CYP39A1: variants seen among roughly 807,000 people sequenced by gnomAD.
The protein encoded by CYP39A1 is 24-hydroxycholesterol 7-alpha-hydroxylase.
In CYP39A1, 49 loss-of-function variants were observed where a neutral mutation model predicts 58.1. That is an observed-to-expected ratio of 0.84 (90% confidence interval 0.67 to 1.07). CYP39A1 has a LOEUF of 1.07. Ranked by LOEUF, CYP39A1 falls within the 50% of genes least tolerant of loss-of-function variation. The pLI is 0.00. For missense variants in CYP39A1, 531 were observed against 539.4 expected (o/e 0.98, Z 0.16); for synonymous variants, 209 against 187.6 (o/e 1.11, Z -0.93).
At chr6:46,556,899 A>G (rs919043986) in intron 10 of CYP39A1, among the ~76,000 whole-genome samples, 2 of 152,182 alleles carry the variant, frequency 1.3e-5, no homozygotes, top group Admixed American at 6.5e-5. Flanking sequence ...GAGAAAGCCC[A>G]TTGAAAAAAT....
chr6:46,600,737 G>T (rs1400507778), intron 7 of CYP39A1, among the ~76,000 whole-genome samples: 1 of 152,162 alleles, frequency 6.6e-6, no homozygotes, highest in African/African-American at 2.4e-5. Context: ...CTATGCTTGG[G>T]ACTCTTCCAA....
intron 10 of CYP39A1, among the ~76,000 whole-genome samples, chr6:46,576,323 A>C (rs1188021072): frequency 6.6e-6 from 1 of 152,174 alleles, no homozygotes; most frequent in East Asian, 1.9e-4. Flanking sequence ...GATCCAAACC[A>C]TATCAGGTAT....
chr6:46,577,690 T>C (rs1771910500), intron 10 of CYP39A1, among the ~76,000 whole-genome samples: 1 of 152,122 alleles, frequency 6.6e-6, no homozygotes, highest in African/African-American at 2.4e-5. Flanking sequence ...AGAAGGGTGT[T>C]ACCTAATGAT....
intron 7 of CYP39A1, among the ~76,000 whole-genome samples, chr6:46,599,942 C>G (rs927076997): frequency 6.6e-6 from 1 of 152,056 alleles, no homozygotes; most frequent in Admixed American, 6.6e-5. Flanking sequence ...CCCAGCTGCT[C>G]AAGTTCAAAC....
In CYP39A1 at chr6:46,639,654, T is replaced by C. The variant is rs140854197; in HGVS notation, c.328A>G (p.Asn110Asp). 1.7e-5 allele frequency: 27 copies of C among 1,611,308 alleles called. No homozygotes were observed. In the African/African-American group the frequency reaches 3.2e-4, roughly 19 times the overall value. The part of the protein sequence containing the change: ...IVYRTASIPK[N>D]VFLALHEKLY... ...TTTTCATGCAGTGCTAAAAAGACAT[T>C]CTTTGGAATTGATGCTATGAACAAA... The change falls in exon 3 of 12, where the codon AAT (asparagine) becomes GAT (aspartate). Residue 110 changes from asparagine (N) to aspartate (D), a missense_variant. By Grantham distance (23) the Asn-to-Asp change is conservative. Transcript: ENST00000275016.
chr6:46,600,909 G>A (rs1262979495), intron 7 of CYP39A1, among the ~76,000 whole-genome samples: 1 of 152,148 alleles, frequency 6.6e-6, no homozygotes, highest in African/African-American at 2.4e-5. Context: ...CTCCCGATTT[G>A]TAGACAAGTT....
intron 4 of CYP39A1, 75 bp downstream of exon 4, chr6:46,637,754 G>A: frequency 6.7e-7 from 1 of 1,502,224 alleles, no homozygotes; most frequent in Non-Finnish European, 9.1e-7. Flanking sequence ...CATCTACTTA[G>A]AACAGAAAAA....
At chr6:46,598,042 T>C (rs141970948) in intron 7 of CYP39A1, among the ~76,000 whole-genome samples, 198 of 152,256 alleles carry the variant, frequency 1.3e-3, no homozygotes, top group African/African-American at 4.5e-3. Flanking sequence ...CTTCACAACC[T>C]AAATGCCACA....
At chr6:46,596,907 T>G (rs1004321899) in intron 7 of CYP39A1, among the ~76,000 whole-genome samples, 2 of 152,172 alleles carry the variant, frequency 1.3e-5, no homozygotes, top group Admixed American at 6.6e-5. Context: ...TTTTTGACAG[T>G]ATTTGCTTAA....
intron 7 of CYP39A1, among the ~76,000 whole-genome samples, chr6:46,600,629 C>A (rs1191480523): frequency 6.6e-6 from 1 of 152,070 alleles, no homozygotes; most frequent in Non-Finnish European, 1.5e-5. Flanking sequence ...CTGTAACTTC[C>A]ATAAAATCCC....
intron 7 of CYP39A1, among the ~76,000 whole-genome samples, chr6:46,616,775 G>A (rs11751380): frequency 6.6e-6 from 1 of 152,128 alleles, no homozygotes; most frequent in Non-Finnish European, 1.5e-5. Flanking sequence ...GCAGAGATGA[G>A]GTCGTTGAGT....
intron 5 of CYP39A1, among the ~76,000 whole-genome samples, chr6:46,636,112 A>G (rs1775969713): frequency 6.6e-6 from 1 of 152,226 alleles, no homozygotes; most frequent in South Asian, 2.1e-4. Context: ...CTATTGACAC[A>G]GCCAACTGTA....
chr6:46,621,838 A>C (rs936302939), intron 7 of CYP39A1, among the ~76,000 whole-genome samples: 5 of 152,114 alleles, frequency 3.3e-5, no homozygotes, highest in East Asian at 1.9e-4. Context: ...AACCAGACAA[A>C]GTTATTTTAA....
intron 6 of CYP39A1, among the ~76,000 whole-genome samples, 183 bp from the exon 7 acceptor site, chr6:46,625,691 T>A (rs925717288): frequency 1.3e-5 from 2 of 151,982 alleles, no homozygotes; most frequent in African/African-American, 4.8e-5. Context: ...ATGTAATATA[T>A]CTCCAAGAAG....
chr6:46,613,436 G>T (rs1209599438), intron 7 of CYP39A1, among the ~76,000 whole-genome samples: 1 of 152,138 alleles, frequency 6.6e-6, no homozygotes, highest in Admixed American at 6.5e-5. Context: ...TGAAAATTCT[G>T]TATGTGCCTT....
intron 10 of CYP39A1, among the ~76,000 whole-genome samples, chr6:46,577,755 T>C (rs1223551361): frequency 4.1e-5 from 6 of 144,980 alleles, no homozygotes; most frequent in African/African-American, 1.6e-4. Flanking sequence ...ATGAATCTAA[T>C]GCTGAAGCAC....
chr6:46,584,276 C>T (rs113055709), intron 10 of CYP39A1, among the ~76,000 whole-genome samples: 5 of 152,254 alleles, frequency 3.3e-5, no homozygotes, highest in African/African-American at 1.2e-4. Flanking sequence ...ATGTATTCAA[C>T]ATTTATATTT....
chr6:46,595,206 G>A (rs754506304), intron 8 of CYP39A1, among the ~76,000 whole-genome samples: 2 of 151,844 alleles, frequency 1.3e-5, no homozygotes, highest in South Asian at 2.1e-4. Context: ...GCACACTATC[G>A]GTGGGAATGT....
intron 10 of CYP39A1, among the ~76,000 whole-genome samples, chr6:46,581,718 C>T (rs1274839497): frequency 6.6e-6 from 1 of 152,046 alleles, no homozygotes; most frequent in Non-Finnish European, 1.5e-5. Flanking sequence ...GTATATCAAA[C>T]TCCTGAGACA....
Sources: allele counts gnomAD v4.1 joint callset (sites outside exome capture counted in the v4.1 genomes callset), GRCh38; gene constraint gnomAD v4.1.1; transcripts MANE v1.5; gene names NCBI Gene and HGNC (gene_info 2026-07-23, HGNC 2026-07-21).